LETM1: variants seen among roughly 807,000 people sequenced by gnomAD.
The protein encoded by LETM1 is mitochondrial proton/calcium exchanger protein.
Under a neutral mutation model 74.5 loss-of-function variants are expected in LETM1, and 50 were observed. The observed-to-expected ratio is 0.67, with a 90% CI of 0.53 to 0.85. The LOEUF is 0.85. LETM1 is among the 40% of genes least tolerant of loss of function. LETM1 has a pLI of 0.00. For synonymous variants in LETM1, 446 were observed against 407.1 expected, an observed-to-expected ratio of 1.10 and a Z score of -1.15; for missense variants, 824 against 967.8, an observed-to-expected ratio of 0.85 and a Z score of 1.97.
At chr4:1,854,757 C>A (rs1200942279) in intron 1 of LETM1, among the ~76,000 whole-genome samples, 1 of 152,146 alleles carries the variant, frequency 6.6e-6, no homozygotes, top group Non-Finnish European at 1.5e-5. Flanking sequence ...CACACCACTG[C>A]ACTCTAGCCT....
In LETM1 at chr4:1,822,088, C is replaced by G. The variant is rs1190485776; in HGVS notation, c.1608+93G>C. The G allele has an allele frequency of 1.0e-5, 13 of 1,255,156 alleles. No homozygotes were observed. The African/African-American group carries it at 1.1e-4, about 10-fold the overall frequency. The allele number at this position is 1,255,156 out of a possible 1,614,324, so 77.8% of individuals were successfully genotyped here. A position where few individuals can be genotyped will look rare whatever the true frequency, so the allele number is the denominator to read the frequency against. On this transcript the variant is annotated intron_variant, in intron 10 of 13. Coordinates refer to ENST00000302787, the MANE Select transcript of LETM1 (RefSeq NM_012318.3). ...CTCTCACTGAGGGCTATAGATGCCC[C>G]AGCTAACCTGTCCCCATCCCTGCCC...
chr4:1,835,390 G>A (rs934543087), intron 4 of LETM1, among the ~76,000 whole-genome samples: 1 of 151,908 alleles, frequency 6.6e-6, no homozygotes, highest in Non-Finnish European at 1.5e-5. Flanking sequence ...AGTGAGCTGA[G>A]ATTGCACCAC....
chr4:1,854,479 CAAAAAA>C (rs538075828), intron 1 of LETM1, among the ~76,000 whole-genome samples: 1 of 100,468 alleles, frequency 1.0e-5, no homozygotes, highest in Non-Finnish European at 2.1e-5. Flanking sequence ...GACTCCATTT[CAAAAAA>C]AAAAAAAAAA....
At chr4:1,839,499 T>C (rs1712610888) in intron 3 of LETM1, among the ~76,000 whole-genome samples, 1 of 152,108 alleles carries the variant, frequency 6.6e-6, no homozygotes, top group Admixed American at 6.5e-5. Flanking sequence ...TGGGAAAGAG[T>C]TGAAGCAGGA....
Position 1,823,743 on chromosome 4 carries a change from G to C in LETM1, c.1233C>G (p.Pro411=). The C allele has an allele frequency of 6.2e-7, 1 of 1,613,536 alleles. No individual in the cohort carries two copies. Among genetic ancestry groups the C allele is most frequent in the South Asian group, 1.1e-5 (1 of 91,046 alleles). ...WLDLHLHQEI[P]TSLLILSRAM... ...CCCGGGACAGGATGAGCAGCGATGT[G>C]GGGATCTCCTGATGCAGGTGCAGGT... Residue 411 remains proline, a synonymous_variant, in exon 8 of 14, where the codon CCC becomes CCG. Coordinates refer to ENST00000302787, the MANE Select transcript of LETM1 (RefSeq NM_012318.3).
chr4:1,852,306 G>C (rs1713095084), intron 1 of LETM1, among the ~76,000 whole-genome samples: 5 of 152,128 alleles, frequency 3.3e-5, no homozygotes. Flanking sequence ...TATTATAAAG[G>C]GTACCTGGTA....
At position 1,841,779 on chromosome 4, in the gene LETM1, G is replaced by A; in HGVS notation, c.162C>T (p.Cys54=). 1.9e-6 allele frequency: 3 copies of A among 1,612,566 alleles called. No homozygotes were observed. Among genetic ancestry groups the A allele is most frequent in the Non-Finnish European group, 2.5e-6 (3 of 1,179,512 alleles). ...TGTACACAGGGTGGATGGGAGTGCA[G>A]CAGCCAAATGGAACATTCCTTGAAA... The part of the protein sequence containing the change: ...LRNCLNVPFG[C]CTPIHPVYTS... The change falls in exon 3 of 14, where the codon TGC becomes TGT. Residue 54 remains cysteine, a synonymous_variant. Coordinates refer to ENST00000302787, the MANE Select transcript of LETM1 (RefSeq NM_012318.3).
intron 9 of LETM1, 53 bp downstream of exon 9, chr4:1,822,935 G>A: frequency 1.5e-6 from 2 of 1,332,306 alleles, no homozygotes; most frequent in Non-Finnish European, 1.9e-6. Flanking sequence ...GGGGTTTCTA[G>A]GGAGGCTGGC....
At chr4:1,827,884 C>CT (rs1712057612) in intron 6 of LETM1, among the ~76,000 whole-genome samples, 1 of 150,268 alleles carries the variant, frequency 6.7e-6, no homozygotes, top group Admixed American at 6.6e-5. Context: ...GGCGCCCCCC[C>CT]CACCTCCCGG....
intron 1 of LETM1, among the ~76,000 whole-genome samples, chr4:1,855,302 TA>T (rs1364941831): frequency 6.6e-6 from 1 of 152,226 alleles, no homozygotes; most frequent in African/African-American, 2.4e-5. Flanking sequence ...CACCTGAGGC[TA>T]GGGGGGCTAA....
chr4:1,812,504 T>C lies in LETM1; in HGVS notation c.*1920A>G, dbSNP rs1053548407. ...CTGAAAAAGGCCAAGACCGAGGGTC[T>C]GGCCCTGGGCAGGTGTAAGAAAGGA... On this transcript the variant is annotated 3_prime_UTR_variant, in exon 14 of 14. Coordinates refer to ENST00000302787, the MANE Select transcript of LETM1 (RefSeq NM_012318.3). 12 of 152,238 alleles carry C rather than the reference T, an allele frequency of 7.9e-5. No homozygotes were observed. Among genetic ancestry groups the C allele is most frequent in the African/African-American group, 2.9e-4 (12 of 41,418 alleles). 9.4% of individuals were successfully genotyped at this position (152,238 alleles called of 1,614,324 possible).
At chr4:1,833,378 G>T (rs1051411997) in intron 5 of LETM1, 2 of 232,494 alleles carry the variant, frequency 8.6e-6, no homozygotes, top group Non-Finnish European at 8.6e-6. Flanking sequence ...GAAAGGTGGC[G>T]TCTGGCCTGT....
At position 1,834,209 on chromosome 4, in the gene LETM1, T is replaced by C. The variant is rs1577319925; in HGVS notation, c.876+636A>G. On this transcript the variant is annotated intron_variant, in intron 5 of 13. Coordinates refer to ENST00000302787, the MANE Select transcript of LETM1 (RefSeq NM_012318.3). This position sits in a 1 kb window ranked among gnomAD's most constrained non-coding sequence, Gnocchi z 5.0. Reference sequence around the variant, plus strand: ...AGACAACGCACACGCATGGCTGGAGTTTCTAGGCCCTGGTTTAAGCTCTTC... The same window carrying C: ...AGACAACGCACACGCATGGCTGGAGCTTCTAGGCCCTGGTTTAAGCTCTTC... 5.6e-6 allele frequency: 1 copy of C among 177,524 alleles called. No individual in the cohort carries two copies. The highest frequency in any genetic ancestry group is 1.1e-5 in the Non-Finnish European group (1 of 91,390). The allele number at this position is 177,524 out of a possible 1,614,324, so 11.0% of individuals were successfully genotyped here. A position where few individuals can be genotyped will look rare whatever the true frequency, so the allele number is the denominator to read the frequency against.
At chr4:1,848,069 C>T (rs1712944175) in intron 2 of LETM1, among the ~76,000 whole-genome samples, 1 of 151,798 alleles carries the variant, frequency 6.6e-6, no homozygotes, top group Non-Finnish European at 1.5e-5. Flanking sequence ...AATTTCTTTT[C>T]TCATCCAAAG....
Position 1,834,994 on chromosome 4 carries a change from G to C in LETM1, c.739-12C>G. The C allele has an allele frequency of 6.2e-7, 1 of 1,613,196 alleles. No homozygotes were observed. Among genetic ancestry groups the C allele is most frequent in the Non-Finnish European group, 8.5e-7 (1 of 1,179,602 alleles). ...TTCAGCCTCTCCTCCTGCAAGGGCA[G>C]AGAGGGCACTGCATTCCAACTGCTC... On this transcript the variant is annotated splice_polypyrimidine_tract_variant and intron_variant, in intron 4 of 13. Coordinates refer to ENST00000302787, the MANE Select transcript of LETM1 (RefSeq NM_012318.3). This position sits in a 1 kb window ranked among gnomAD's most constrained non-coding sequence, Gnocchi z 5.0.
intron 9 of LETM1, 121 bp from the exon 10 acceptor site, chr4:1,822,433 G>T: frequency 8.7e-7 from 1 of 1,149,750 alleles, no homozygotes; most frequent in Non-Finnish European, 1.1e-6. Context: ...GGTGACATTG[G>T]GCAGCACACC....
chr4:1,853,174 C>A (rs933598732), intron 1 of LETM1, among the ~76,000 whole-genome samples: 1 of 152,052 alleles, frequency 6.6e-6, no homozygotes, highest in Non-Finnish European at 1.5e-5. Flanking sequence ...TGTCCCCAGG[C>A]GGCTCAGGCC....
At chr4:1,848,473 G>A (rs1289756592) in intron 2 of LETM1, among the ~76,000 whole-genome samples, 4 of 151,896 alleles carry the variant, frequency 2.6e-5, no homozygotes, top group Admixed American at 6.6e-5. Context: ...GCATGAACCC[G>A]GGAGGTGGAT....
chr4:1,813,879 CTCTG>C lies in LETM1; in HGVS notation c.*541_*544del, dbSNP rs1722536952. ...CAGAGGCCACAGAGATGGCAGACAC[CTCTG>C]TCTCCACAATGACCCACATCCAACT... On this transcript the variant is annotated 3_prime_UTR_variant, in exon 14 of 14. Transcript: ENST00000302787. The C allele has an allele frequency of 6.3e-6, 1 of 157,956 alleles. No homozygotes were observed. The highest frequency in any genetic ancestry group is 1.4e-5 in the Non-Finnish European group (1 of 71,486). 9.8% of individuals were successfully genotyped at this position (157,956 alleles called of 1,614,324 possible). A position where few individuals can be genotyped will look rare whatever the true frequency, so the allele number is the denominator to read the frequency against.
Sources: gnomAD v4.1 joint callset for allele counts (sites outside exome capture counted in the v4.1 genomes callset) on GRCh38, gnomAD v4.1.1 for gene constraint, Gnocchi (gnomAD v3.1) non-coding constraint, MANE v1.5 for transcripts, NCBI Gene and HGNC (gene_info 2026-07-23, HGNC 2026-07-21) for gene names.